AGO4: variants seen among roughly 807,000 people sequenced by gnomAD.
AGO4 encodes the protein argonaute RISC component 4, also known as protein argonaute-4.
Under a neutral mutation model 104.7 loss-of-function variants are expected in AGO4, and 33 were observed. The observed-to-expected ratio is 0.32, with a 90% CI of 0.24 to 0.42. The LOEUF is 0.42. AGO4 is among the 10% of genes least tolerant of loss of function. AGO4 has a pLI of 1.00. For synonymous variants in AGO4, 331 were observed against 364.7 expected (o/e 0.91, Z 1.05); for missense variants, 711 against 1,083.4 (o/e 0.66, Z 4.83).
At chr1:35,845,775 C>G (rs1335860566) in intron 15 of AGO4, among the ~76,000 whole-genome samples, 1 of 152,094 alleles carries the variant, frequency 6.6e-6, no homozygotes, top group Non-Finnish European at 1.5e-5. Flanking sequence ...CAAGATAGGC[C>G]AAAAACAACA....
At chr1:35,833,616 C>G (rs1644237044) in intron 11 of AGO4, among the ~76,000 whole-genome samples, 1 of 152,136 alleles carries the variant, frequency 6.6e-6, no homozygotes, top group Non-Finnish European at 1.5e-5. Context: ...ACCAGGCTTA[C>G]CAAAATGCAC....
chr1:35,839,385 T>C (rs753640866), intron 13 of AGO4, among the ~76,000 whole-genome samples: 1 of 152,166 alleles, frequency 6.6e-6, no homozygotes, highest in Non-Finnish European at 1.5e-5. Flanking sequence ...TTTGAGACAA[T>C]ATAGTGTAGT....
At position 35,841,375 on chromosome 1, in the gene AGO4, T is replaced by C; in HGVS notation, c.1935T>C (p.Thr645=). 1 of 1,614,196 alleles carries C rather than the reference T, an allele frequency of 6.2e-7. No homozygotes were observed. Among genetic ancestry groups the C allele is most frequent in the African/African-American group, 1.3e-5 (1 of 75,048 alleles). ...GTCAAGAGGTCATCCAGGACCTGAC[T>C]AACATGGTTCGAGAGCTGCTGATTC... ...LYSQEVIQDL[T]NMVRELLIQF... is the part of the protein sequence containing the mutation. Residue 645 remains threonine, a synonymous_variant, in exon 14 of 18, where the codon ACT becomes ACC. Transcript: ENST00000373210. This position sits in a 1 kb window ranked among gnomAD's most constrained non-coding sequence, Gnocchi z 4.7.
rs1644301572 is a variant in AGO4 at position 35,835,869 on chromosome 1, A to G, written c.1600A>G (p.Met534Val). 6.2e-7 allele frequency: 1 copy of G among 1,613,668 alleles called. No individual in the cohort carries two copies. The highest frequency in any genetic ancestry group is 8.5e-7 in the Non-Finnish European group (1 of 1,179,854). The change falls in exon 13 of 18, where the codon ATG (methionine) becomes GTG (valine). Residue 534 changes from methionine to valine, a missense_variant. Physicochemically the swap from Met to Val is conservative, Grantham distance 21. Coordinates refer to ENST00000373210, the MANE Select transcript of AGO4 (RefSeq NM_017629.4). Reference sequence around the variant, plus strand: ...ACGTGTTGGAGATACCCTTCTAGGTATGGCCACACAGTGTGTCCAGGTAAA... The same window carrying G: ...ACGTGTTGGAGATACCCTTCTAGGTGTGGCCACACAGTGTGTCCAGGTAAA... ...VKRVGDTLLG[M>V]ATQCVQVKNV...
At chr1:35,836,704 C>T (rs751251304) in intron 13 of AGO4, among the ~76,000 whole-genome samples, 17 of 152,162 alleles carry the variant, frequency 1.1e-4, no homozygotes, top group Non-Finnish European at 1.8e-4. Flanking sequence ...CCACTGTGCC[C>T]GGCCTTGGAT....
chr1:35,817,030 G>A lies in AGO4; in HGVS notation c.168G>A (p.Arg56=). The change falls in exon 2 of 18, where the codon CGG becomes CGA. Residue 56 remains arginine (R), a synonymous_variant. Coordinates refer to ENST00000373210, the MANE Select transcript of AGO4 (RefSeq NM_017629.4). ...HYDVDIKPEK[R]PRRVNREVVD... Reference sequence around the variant, plus strand: ...ATGTGGATATTAAGCCTGAAAAACGGCCTCGTAGAGTCAACAGGTAAGGAT... The same window carrying A: ...ATGTGGATATTAAGCCTGAAAAACGACCTCGTAGAGTCAACAGGTAAGGAT... 1 of 1,606,640 alleles carries A rather than the reference G, an allele frequency of 6.2e-7. No homozygotes were observed. The highest frequency in any genetic ancestry group is 8.5e-7 in the Non-Finnish European group (1 of 1,175,916).
chr1:35,849,418 C>T (rs867483734), intron 15 of AGO4, among the ~76,000 whole-genome samples: 1 of 150,244 alleles, frequency 6.7e-6, no homozygotes, highest in Admixed American at 6.6e-5. Context: ...TGTGGTAGCT[C>T]GCACCTGTAG....
At position 35,844,418 on chromosome 1, in the gene AGO4, G is replaced by A. The variant is rs532862321; in HGVS notation, c.2175+2668G>A. On this transcript the variant is annotated intron_variant, in intron 15 of 17. Transcript: ENST00000373210. ...TCTCAGCCAGGCCTTGGATGCTGCC[G>A]TTTTTTCATTTACCCTATTCCCCAT... 8.7e-4 allele frequency among the ~76,000 whole-genome samples: 132 copies of A among 152,184 alleles called. 1 individual carries two copies. Among genetic ancestry groups the A allele is most frequent in the African/African-American group, 3.0e-3 (125 of 41,534 alleles).
chr1:35,823,491 T>A (rs1557556688), intron 3 of AGO4, among the ~76,000 whole-genome samples: 1 of 152,148 alleles, frequency 6.6e-6, no homozygotes, highest in Non-Finnish European at 1.5e-5. Context: ...AGTGGCGCGA[T>A]CTCGGCGCAG....
intron 13 of AGO4, among the ~76,000 whole-genome samples, chr1:35,836,279 G>T (rs1644311983): frequency 6.6e-6 from 1 of 152,174 alleles, no homozygotes; most frequent in South Asian, 2.1e-4. Flanking sequence ...ATGGAATCAT[G>T]CAGGATGTAC....
chr1:35,807,908 C>T (rs1488167411), upstream of AGO4, among the ~76,000 whole-genome samples: 1 of 151,966 alleles, frequency 6.6e-6, no homozygotes, highest in Non-Finnish European at 1.5e-5. Flanking sequence ...ACGTAGCCCC[C>T]AGAGCCGTTG....
chr1:35,850,789 AAAAAAAAAAACAAAAACAAAAAACGAAC>A, intron 16 of AGO4, 37 bp from the exon 17 acceptor site: 1 of 1,007,830 alleles, frequency 9.9e-7, no homozygotes, highest in East Asian at 2.7e-5. Context: ...TCAAAAAAAA[AAAAAAAAAAACAAAAACAAAAAACGAAC>A]AAAAAAAAAA....
At chr1:35,823,223 T>C (rs927007437) in intron 3 of AGO4, among the ~76,000 whole-genome samples, 1 of 152,010 alleles carries the variant, frequency 6.6e-6, no homozygotes, top group African/African-American at 2.4e-5. Context: ...GAAACAAAAG[T>C]TTCTGTAATA....
intron 13 of AGO4, among the ~76,000 whole-genome samples, chr1:35,838,942 A>T (rs1307000752): frequency 1.3e-5 from 2 of 151,604 alleles, no homozygotes; most frequent in Non-Finnish European, 2.9e-5. Context: ...ATTTAATCTT[A>T]GCATATTTTG....
chr1:35,819,859 G>A (rs1571263570), intron 2 of AGO4, among the ~76,000 whole-genome samples: 1 of 151,524 alleles, frequency 6.6e-6, no homozygotes, highest in Non-Finnish European at 1.5e-5. Flanking sequence ...GGAACAGTTC[G>A]AGGCTGGAGA....
At chr1:35,820,130 G>A (rs138924798) in intron 2 of AGO4, among the ~76,000 whole-genome samples, 77 of 152,280 alleles carry the variant, frequency 5.1e-4, no homozygotes, top group African/African-American at 1.8e-3. Context: ...AAGTTGGAAG[G>A]ATGGATTATC....
intron 15 of AGO4, among the ~76,000 whole-genome samples, chr1:35,845,748 A>C (rs541292077): frequency 1.3e-5 from 2 of 152,312 alleles, no homozygotes; most frequent in South Asian, 4.1e-4. Context: ...TAGATTCTCT[A>C]TAGGCACTGC....
At chr1:35,851,345 A>C in intron 17 of AGO4, 2 of 427,272 alleles carry the variant, frequency 4.7e-6, no homozygotes, top group East Asian at 9.3e-5. Context: ...GTAGCCTCAA[A>C]AAGTGGTCAA....
chr1:35,851,490 G>A (rs1218417506), intron 17 of AGO4, among the ~76,000 whole-genome samples: 7 of 152,236 alleles, frequency 4.6e-5, no homozygotes, highest in Non-Finnish European at 7.3e-5. Context: ...GGATGTGTGT[G>A]TGGGAGTGGG....
Sources: gnomAD v4.1 joint callset for allele counts (sites outside exome capture counted in the v4.1 genomes callset) on GRCh38, gnomAD v4.1.1 for gene constraint, Gnocchi (gnomAD v3.1) non-coding constraint, MANE v1.5 for transcripts, NCBI Gene and HGNC (gene_info 2026-07-23, HGNC 2026-07-21) for gene names.